Variants in CNDP2 observed in about 807,000 individuals in gnomAD.
CNDP2 encodes the protein carnosine dipeptidase 2, also known as cytosolic non-specific dipeptidase.
Under a neutral mutation model 55.0 loss-of-function variants are expected in CNDP2, and 38 were observed. The ratio of observed to expected loss-of-function variants is 0.69; its 90% CI spans 0.53 to 0.90. The LOEUF (loss-of-function observed/expected upper bound fraction) is 0.90, where lower values mean the gene tolerates loss of function less well. CNDP2 is among the 40% of genes least tolerant of loss of function. The pLI, the probability that CNDP2 is intolerant of heterozygous loss-of-function variation, is 0.00. For missense variants in CNDP2, 607 were observed against 621.7 expected, an observed-to-expected ratio of 0.98 and a Z score of 0.25; for synonymous variants, 241 against 260.2, an observed-to-expected ratio of 0.93 and a Z score of 0.71.
chr18:74,518,749 TG>T lies in CNDP2; in HGVS notation c.1210+114del, dbSNP rs376941750. 2.4e-5 allele frequency: 36 copies of T among 1,493,024 alleles called. No individual in the cohort carries two copies. In the African/African-American group the frequency reaches 3.6e-4, roughly 15 times the overall value. 92.5% of individuals were successfully genotyped at this position (1,493,024 alleles called of 1,614,324 possible). On this transcript the variant is annotated intron_variant, in intron 10 of 11. Transcript: ENST00000324262. Reference sequence around the variant, plus strand: ...CTATGTCGGGGGCGCTGCTGTATCGTGGGGGCGTGTAGTTAAGTCAGCATGA... The same window carrying T: ...CTATGTCGGGGGCGCTGCTGTATCGTGGGGCGTGTAGTTAAGTCAGCATGA...
rs543061838 is a variant in CNDP2 at position 74,520,227 on chromosome 18, C to T, written c.*159C>T. 1.7e-4 allele frequency: 112 copies of T among 663,062 alleles called. No individual in the cohort carries two copies. Among genetic ancestry groups the T allele is most frequent in the African/African-American group, 1.0e-3 (56 of 55,190 alleles). The allele number at this position is 663,062 out of a possible 1,614,324, so 41.1% of individuals were successfully genotyped here. ...AGACACAAGTGTATCCAGCTGTCCA[C>T]GGGTGGAGCTACCCGTTGGGCTTAT... On this transcript the variant is annotated 3_prime_UTR_variant, in exon 12 of 12. Coordinates refer to ENST00000324262, the MANE Select transcript of CNDP2 (RefSeq NM_018235.3).
chr18:74,518,292 C>T, intron 9 of CNDP2: 2 of 490,344 alleles, frequency 4.1e-6, no homozygotes, highest in Non-Finnish European at 7.2e-6. Flanking sequence ...AAAGAAGTCT[C>T]CTCTTTCCTT....
Position 74,522,929 on chromosome 18 carries a change from C to T in CNDP2, c.*2861C>T, listed in dbSNP as rs1288985482. ...AGGTCGTCGCCTCTGGAAGTGCTAG[C>T]GGAGGGTGATCTCCCGGAGGAAATC... On this transcript the variant is annotated 3_prime_UTR_variant, in exon 12 of 12. Coordinates refer to ENST00000324262, the MANE Select transcript of CNDP2 (RefSeq NM_018235.3). 5 of 152,316 alleles carry T rather than the reference C, an allele frequency of 3.3e-5. No homozygotes were observed. Among genetic ancestry groups the T allele is most frequent in the African/African-American group, 7.2e-5 (3 of 41,456 alleles). 9.4% of individuals were successfully genotyped at this position (152,316 alleles called of 1,614,324 possible). A position where few individuals can be genotyped will look rare whatever the true frequency, so the allele number is the denominator to read the frequency against.
chr18:74,502,367 G>C (rs1568277289), intron 3 of CNDP2, among the ~76,000 whole-genome samples: 1 of 152,118 alleles, frequency 6.6e-6, no homozygotes, highest in Non-Finnish European at 1.5e-5. Flanking sequence ...CTTGAATAAG[G>C]TAGTTTTGTT....
At position 74,499,954 on chromosome 18, in the gene CNDP2, G is replaced by A; in HGVS notation, c.-20G>A. 1.2e-6 allele frequency: 2 copies of A among 1,613,496 alleles called. No homozygotes were observed. Among genetic ancestry groups the A allele is most frequent in the South Asian group, 1.1e-5 (1 of 91,044 alleles). Reference sequence around the variant, plus strand: ...CTTCCAAGAACCTTCGAGATCTGCGGTCTGGGGTCTGGTTGAAAGATGGCG... The same window carrying A: ...CTTCCAAGAACCTTCGAGATCTGCGATCTGGGGTCTGGTTGAAAGATGGCG... On this transcript the variant is annotated 5_prime_UTR_variant, in exon 2 of 12. Coordinates refer to ENST00000324262, the MANE Select transcript of CNDP2 (RefSeq NM_018235.3).
chr18:74,518,705 A>G (rs183011328), intron 10 of CNDP2, 65 bp downstream of exon 10: 3 of 1,603,366 alleles, frequency 1.9e-6, no homozygotes, highest in South Asian at 1.1e-5. Context: ...GGACTCTGCT[A>G]TATCGCGTGG....
chr18:74,498,709 C>A (rs1444873521), intron 1 of CNDP2, among the ~76,000 whole-genome samples: 1 of 152,174 alleles, frequency 6.6e-6, no homozygotes, highest in East Asian at 1.9e-4. Flanking sequence ...CACTGATAAA[C>A]GCCTCTCCAG....
chr18:74,505,873 C>T lies in CNDP2; in HGVS notation c.229C>T (p.Leu77Phe). Reference sequence around the variant, plus strand: ...GCTCCCTGATGGCTCGGAGATCCCGCTCCCTCCTATTCTGCTCGGCAGGCT... The same window carrying T: ...GCTCCCTGATGGCTCGGAGATCCCGTTCCCTCCTATTCTGCTCGGCAGGCT... The part of the protein sequence containing the change: ...QKLPDGSEIP[L>F]PPILLGRLGS... The change falls in exon 4 of 12, where the codon CTC (leucine) becomes TTC (phenylalanine). Residue 77 changes from leucine to phenylalanine, a missense_variant. Physicochemically the swap from Leu to Phe is conservative, Grantham distance 22. Coordinates refer to ENST00000324262, the MANE Select transcript of CNDP2 (RefSeq NM_018235.3). The T allele has an allele frequency of 6.2e-7, 1 of 1,611,898 alleles. No homozygotes were observed. Among genetic ancestry groups the T allele is most frequent in the Non-Finnish European group, 8.5e-7 (1 of 1,179,320 alleles).
chr18:74,510,444 C>T (rs538637340), intron 5 of CNDP2, among the ~76,000 whole-genome samples: 25 of 152,162 alleles, frequency 1.6e-4, no homozygotes, highest in Non-Finnish European at 2.1e-4. Flanking sequence ...CCGGGAGCAG[C>T]GAAGGTCACA....
chr18:74,511,133 A>T (rs2278157), intron 6 of CNDP2, 120 bp downstream of exon 6: 362,398 of 792,702 alleles, frequency 0.46, 84,547 homozygotes, highest in East Asian at 0.68. Flanking sequence ...CACAGGGCTC[A>T]CTTAGTGCCC....
intron 11 of CNDP2, 124 bp from the exon 12 acceptor site, chr18:74,519,875 A>G: frequency 3.7e-6 from 3 of 805,064 alleles, no homozygotes; most frequent in Non-Finnish European, 6.0e-6. Context: ...AGGGCCCCCA[A>G]GCTGGGATGG....
intron 1 of CNDP2, among the ~76,000 whole-genome samples, chr18:74,498,494 C>A (rs1208921771): frequency 6.6e-6 from 1 of 152,144 alleles, no homozygotes; most frequent in East Asian, 1.9e-4. Flanking sequence ...TACAATGCCA[C>A]TGGTTAATTT....
Position 74,512,432 on chromosome 18 carries a change from C to T in CNDP2, c.658-16C>T. The T allele has an allele frequency of 1.2e-6, 2 of 1,608,924 alleles. No individual in the cohort carries two copies. Among genetic ancestry groups the T allele is most frequent in the Non-Finnish European group, 1.7e-6 (2 of 1,176,882 alleles). ...CCACTAGGCAGCCAGACACAGTGGC[C>T]TTTGTTTCCGTGCAGGTGGAGTGCA... On this transcript the variant is annotated splice_polypyrimidine_tract_variant and intron_variant, in intron 6 of 11. Coordinates refer to ENST00000324262, the MANE Select transcript of CNDP2 (RefSeq NM_018235.3).
At chr18:74,509,875 AAGCATGGAATGTT>A (rs750226112) in intron 5 of CNDP2, among the ~76,000 whole-genome samples, 20 of 152,202 alleles carry the variant, frequency 1.3e-4, no homozygotes, top group Non-Finnish European at 2.1e-4. Flanking sequence ...ATTTTTGTCA[AAGCATGGAATGTT>A]AGGTCTGAAA....
At chr18:74,500,238 C>T (rs1978616086) in intron 2 of CNDP2, among the ~76,000 whole-genome samples, 1 of 152,180 alleles carries the variant, frequency 6.6e-6, no homozygotes, top group African/African-American at 2.4e-5. Flanking sequence ...CTAAGAATAG[C>T]AAATCTAATT....
chr18:74,513,783 G>A, intron 8 of CNDP2, 64 bp downstream of exon 8: 2 of 1,541,874 alleles, frequency 1.3e-6, no homozygotes, highest in South Asian at 1.2e-5. Flanking sequence ...TGTCCCCCAG[G>A]CCCTGTCACC....
chr18:74,515,695 T>A (rs1320241773), intron 8 of CNDP2, among the ~76,000 whole-genome samples: 1 of 152,102 alleles, frequency 6.6e-6, no homozygotes, highest in Non-Finnish European at 1.5e-5. Flanking sequence ...AAACAGGAGA[T>A]GAAGTCTCTC....
rs960329747 is a variant in CNDP2 at position 74,522,533 on chromosome 18, G to A, written c.*2465G>A. The A allele has an allele frequency of 6.6e-6, 1 of 152,274 alleles. No individual in the cohort carries two copies. The highest frequency in any genetic ancestry group is 1.5e-5 in the Non-Finnish European group (1 of 68,054). The allele number at this position is 152,274 out of a possible 1,614,324, so 9.4% of individuals were successfully genotyped here. On this transcript the variant is annotated 3_prime_UTR_variant, in exon 12 of 12. Coordinates refer to ENST00000324262, the MANE Select transcript of CNDP2 (RefSeq NM_018235.3). ...CAGTATTAAGAGGCAGGGCCTTCAA[G>A]AGCTGGTCAGGCCATGAGGGCCCTG...
At chr18:74,508,546 C>A in intron 4 of CNDP2, 1 of 340,350 alleles carries the variant, frequency 2.9e-6, no homozygotes, top group South Asian at 4.8e-5. Context: ...TGGAGTTAGA[C>A]TGGAGGTCTC....
Sources: gnomAD v4.1 joint callset for allele counts (sites outside exome capture counted in the v4.1 genomes callset) on GRCh38, gnomAD v4.1.1 for gene constraint, MANE v1.5 for transcripts, NCBI Gene and HGNC (gene_info 2026-07-23, HGNC 2026-07-21) for gene names.